Variants in NRF1 observed in about 807,000 individuals in gnomAD.
The protein encoded by NRF1 is nuclear respiratory factor 1.
In NRF1, 5 loss-of-function variants were observed where a neutral mutation model predicts 58.5. The ratio of observed to expected loss-of-function variants is 0.09; its 90% CI spans 0.04 to 0.18. The LOEUF is 0.18. Ranked by LOEUF, NRF1 falls within the 10% of genes least tolerant of loss-of-function variation. The pLI is 1.00. For synonymous variants in NRF1, 224 were observed against 246.7 expected (o/e 0.91, Z 0.86); for missense variants, 288 against 657.7 (o/e 0.44, Z 6.15).
At position 129,756,726 on chromosome 7, in the gene NRF1, C is replaced by T. The variant is rs1804269047; in HGVS notation, c.*1545C>T. 1 of 152,548 alleles carries T rather than the reference C, an allele frequency of 6.6e-6. No individual in the cohort carries two copies. The highest frequency in any genetic ancestry group is 1.5e-5 in the Non-Finnish European group (1 of 68,024). The allele number at this position is 152,548 out of a possible 1,614,324, so 9.4% of individuals were successfully genotyped here. On this transcript the variant is annotated 3_prime_UTR_variant, in exon 11 of 11. Coordinates refer to ENST00000393232, the MANE Select transcript of NRF1 (RefSeq NM_005011.5). ...AAAAGATTCTCCACGTCTTGCTCAA[C>T]CTTTGAGAGAAGTTTCAGATTCTTG...
chr7:129,692,239 A>C (rs764628409), intron 5 of NRF1, among the ~76,000 whole-genome samples: 20 of 152,138 alleles, frequency 1.3e-4, no homozygotes, highest in Non-Finnish European at 1.9e-4. Context: ...GCTGCAGTCC[A>C]TTCTCCATGT....
intron 5 of NRF1, among the ~76,000 whole-genome samples, chr7:129,691,873 C>G (rs996288592): frequency 3.9e-5 from 6 of 152,096 alleles, no homozygotes; most frequent in African/African-American, 1.4e-4. Flanking sequence ...CTTACCTGAT[C>G]ATCGATATGC....
At chr7:129,752,928 T>TG (rs1804157003) in intron 10 of NRF1, among the ~76,000 whole-genome samples, 1 of 152,116 alleles carries the variant, frequency 6.6e-6, no homozygotes, top group Non-Finnish European at 1.5e-5. Context: ...ATTGCAAGTG[T>TG]GGGGGCGACT....
intron 10 of NRF1, among the ~76,000 whole-genome samples, chr7:129,738,133 G>C (rs1803762352): frequency 6.6e-6 from 1 of 152,262 alleles, no homozygotes; most frequent in South Asian, 2.1e-4. Context: ...GGCATCGCCT[G>C]TTCTGTAAGA....
chr7:129,657,818 C>T (rs779032371), intron 2 of NRF1, among the ~76,000 whole-genome samples: 21 of 151,950 alleles, frequency 1.4e-4, no homozygotes, highest in Non-Finnish European at 2.6e-4. Context: ...ACTGTGTTAC[C>T]CAGGTTGGCC....
chr7:129,659,785 A>G (rs1801740748), intron 2 of NRF1, among the ~76,000 whole-genome samples: 1 of 152,076 alleles, frequency 6.6e-6, no homozygotes, highest in Non-Finnish European at 1.5e-5. Context: ...TTTTCATTCC[A>G]TGGCTCCAGT....
chr7:129,638,971 A>T (rs917795401), intron 1 of NRF1, among the ~76,000 whole-genome samples: 2 of 152,114 alleles, frequency 1.3e-5, no homozygotes, highest in Admixed American at 1.3e-4. Context: ...CCTTCTTACT[A>T]CTGTGCCTCT....
intron 3 of NRF1, among the ~76,000 whole-genome samples, chr7:129,673,522 G>A (rs1802098552): frequency 6.6e-6 from 1 of 151,880 alleles, no homozygotes; most frequent in South Asian, 2.1e-4. Context: ...GAGGTCAGGA[G>A]ATCGAGACCA....
At chr7:129,698,352 C>G (rs1038779403) in intron 5 of NRF1, among the ~76,000 whole-genome samples, 2 of 143,926 alleles carry the variant, frequency 1.4e-5, no homozygotes, top group Non-Finnish European at 3.0e-5. Flanking sequence ...GGGGGTGGGT[C>G]TGCACGTTAG....
At chr7:129,655,574 C>T (rs1366011953) in intron 1 of NRF1, among the ~76,000 whole-genome samples, 2 of 151,412 alleles carry the variant, frequency 1.3e-5, no homozygotes, top group Admixed American at 6.6e-5. Context: ...CAGGCTGGAG[C>T]GTAGTGGCAT....
chr7:129,673,879 C>T (rs1802114115), intron 3 of NRF1, among the ~76,000 whole-genome samples: 1 of 151,892 alleles, frequency 6.6e-6, no homozygotes, highest in African/African-American at 2.4e-5. Flanking sequence ...GTGGCTCATG[C>T]CTATAATCCC....
At chr7:129,683,288 AGTGTGTGTGTGTGTGT>A (rs35691853) in intron 4 of NRF1, among the ~76,000 whole-genome samples, 2 of 140,388 alleles carry the variant, frequency 1.4e-5, no homozygotes, top group African/African-American at 5.4e-5. Context: ...TCATGTGGAG[AGTGTGTGTGTGTGTGT>A]GTGTGTGTGT....
At chr7:129,637,086 T>A (rs1401253987) in intron 1 of NRF1, among the ~76,000 whole-genome samples, 1 of 152,080 alleles carries the variant, frequency 6.6e-6, no homozygotes, top group Non-Finnish European at 1.5e-5. Context: ...AGTGAAATAC[T>A]TGGATTAATC....
At chr7:129,672,209 T>TG (rs1172385024) in intron 3 of NRF1, among the ~76,000 whole-genome samples, 1 of 150,006 alleles carries the variant, frequency 6.7e-6, no homozygotes, top group Non-Finnish European at 1.5e-5. Context: ...TCTTTTTTTT[T>TG]TTTTTTTTTT....
chr7:129,724,235 A>G (rs568823211), intron 9 of NRF1, among the ~76,000 whole-genome samples: 2 of 152,368 alleles, frequency 1.3e-5, no homozygotes, highest in Admixed American at 6.5e-5. Flanking sequence ...AAGGTCTTGA[A>G]TAGACATTTC....
rs1422472177 is a variant in NRF1, at chr7:129,619,490, G to GTGTGTATATA, written c.-7+7667_-7+7668insGTGTATATAT. On this transcript the variant is annotated intron_variant, in intron 1 of 10. Transcript: ENST00000393232. The stretch of plus-strand genomic sequence containing the variant: ...TGTGTGTGTGTGTGTGTGTGTGTGT[G>GTGTGTATATA]TATATATATATATATATATATATGT... Among the ~76,000 whole-genome samples, 115 of 48,600 alleles carry GTGTGTATATA rather than the reference G, an allele frequency of 2.4e-3. 1 individual carries two copies. The highest frequency in any genetic ancestry group is 0.011 in the African/African-American group (106 of 9,978). The allele number at this position is 48,600 out of a possible 152,430, so 31.9% of individuals were successfully genotyped here.
chr7:129,677,588 C>T lies in NRF1; in HGVS notation c.339-44C>T, dbSNP rs200352778. On this transcript the variant is annotated intron_variant, in intron 3 of 10. Coordinates refer to ENST00000393232, the MANE Select transcript of NRF1 (RefSeq NM_005011.5). The stretch of plus-strand genomic sequence containing the variant: ...TTTGTGTCTATGTCACTGTAATTTC[C>T]GTCTTTTTAAAACTTTTTATTCTTG... 7.1e-5 allele frequency: 113 copies of T among 1,599,982 alleles called. No homozygotes were observed. The East Asian group carries it at 2.2e-3, about 31-fold the overall frequency.
Position 129,755,247 on chromosome 7 carries a change from G to A in NRF1, c.*66G>A. On this transcript the variant is annotated 3_prime_UTR_variant, in exon 11 of 11. Coordinates refer to ENST00000393232, the MANE Select transcript of NRF1 (RefSeq NM_005011.5). The surrounding 1 kb of genome is among the most constrained non-coding windows in gnomAD (Gnocchi z 5.8). ...AAATTTTTTACACGTTTGCAGAGGT[G>A]CAATCAAATGGAATTAAGTCTCTCG... 1 of 1,336,350 alleles carries A rather than the reference G, an allele frequency of 7.5e-7. No individual in the cohort carries two copies. The highest frequency in any genetic ancestry group is 9.9e-7 in the Non-Finnish European group (1 of 1,007,546). 82.8% of individuals were successfully genotyped at this position (1,336,350 alleles called of 1,614,324 possible). A position where few individuals can be genotyped will look rare whatever the true frequency, so the allele number is the denominator to read the frequency against.
intron 1 of NRF1, among the ~76,000 whole-genome samples, chr7:129,637,720 A>G (rs1801198306): frequency 6.6e-6 from 1 of 152,136 alleles, no homozygotes; most frequent in Non-Finnish European, 1.5e-5. Context: ...TTTGTGTGTC[A>G]ATACACATAA....
Sources: gnomAD v4.1 joint callset for allele counts (sites outside exome capture counted in the v4.1 genomes callset) on GRCh38, gnomAD v4.1.1 for gene constraint, Gnocchi (gnomAD v3.1) non-coding constraint, MANE v1.5 for transcripts, NCBI Gene and HGNC (gene_info 2026-07-23, HGNC 2026-07-21) for gene names.